The following AFF3 variants were observed in gnomAD, a reference collection of about 807,000 sequenced individuals.
The protein encoded by AFF3 is ALF transcription elongation factor 3, also known as AF4/FMR2 family member 3.
AFF3 carries 32 observed loss-of-function variants against 129.7 expected under a neutral mutation model. The ratio of observed to expected loss-of-function variants is 0.25; its 90% CI spans 0.19 to 0.33. AFF3 has a LOEUF of 0.33. Among genes scored for constraint, AFF3 ranks in the 10% least tolerant of loss-of-function variants. The pLI, the probability that AFF3 is intolerant of heterozygous loss-of-function variation, is 1.00. For synonymous variants in AFF3, 644 were observed against 635.4 expected (o/e 1.01, Z -0.20); for missense variants, 1,373 against 1,592.0 (o/e 0.86, Z 2.34).
At chr2:99,901,124 T>C (rs1694317031) in intron 7 of AFF3, among the ~76,000 whole-genome samples, 1 of 152,234 alleles carries the variant, frequency 6.6e-6, no homozygotes, top group Admixed American at 6.5e-5. Flanking sequence ...GCAAAAAGTC[T>C]CTCTGATGTC....
At position 99,643,055 on chromosome 2, in the gene AFF3, ATTTTTT is replaced by A. The variant is rs34572652; in HGVS notation, c.1184+6565_1184+6570del. 1.3e-3 allele frequency among the ~76,000 whole-genome samples: 127 copies of A among 100,858 alleles called. 2 individuals are homozygous for A. In the Admixed American group the frequency reaches 0.015, roughly 12 times the overall value. 66.2% of individuals were successfully genotyped at this position (100,858 alleles called of 152,430 possible). On this transcript the variant is annotated intron_variant, in intron 13 of 24. Coordinates refer to ENST00000672756, the MANE Select transcript of AFF3 (RefSeq NM_001386135.1). ...TTTATTCATATGGCATACTTAAAAG[ATTTTTT>A]TTTTTTTTTTTTTTTTGAGACAGAG...
chr2:100,140,501 A>G (rs1490879989), intron 1 of AFF3, among the ~76,000 whole-genome samples: 6 of 152,196 alleles, frequency 3.9e-5, no homozygotes, highest in African/African-American at 1.4e-4. Flanking sequence ...GTCAGATCCC[A>G]ACGCTGCTAT....
At chr2:99,959,654 T>C (rs755396707) in intron 7 of AFF3, among the ~76,000 whole-genome samples, 1 of 150,120 alleles carries the variant, frequency 6.7e-6, no homozygotes, top group Non-Finnish European at 1.5e-5. Context: ...ATTGCCGAGT[T>C]GAATGGAAAC....
At chr2:99,770,032 G>C (rs769981582) in intron 8 of AFF3, among the ~76,000 whole-genome samples, 2 of 152,204 alleles carry the variant, frequency 1.3e-5, no homozygotes, top group African/African-American at 4.8e-5. Context: ...CTCTATGATC[G>C]GCAGACGGTG....
chr2:99,720,724 C>T (rs544739515), intron 11 of AFF3, among the ~76,000 whole-genome samples: 6 of 152,178 alleles, frequency 3.9e-5, no homozygotes, highest in South Asian at 2.1e-4. Flanking sequence ...CTTTCTTTCC[C>T]GCCATCTTTT....
At chr2:99,965,558 T>C (rs571241960) in intron 7 of AFF3, among the ~76,000 whole-genome samples, 36 of 152,364 alleles carry the variant, frequency 2.4e-4, no homozygotes, top group South Asian at 1.2e-3. Flanking sequence ...TTTGCTTTTT[T>C]CCTCTAAGCC....
At chr2:99,710,836 T>C (rs1452840620) in intron 11 of AFF3, among the ~76,000 whole-genome samples, 1 of 152,234 alleles carries the variant, frequency 6.6e-6, no homozygotes. Flanking sequence ...TTTGGCAGGA[T>C]CATGTGAGCA....
Position 99,807,118 on chromosome 2 carries a change from C to T in AFF3, c.921+30359G>A, listed in dbSNP as rs1005667052. On this transcript the variant is annotated intron_variant, in intron 8 of 24. Transcript: ENST00000672756. ...ATCCCTTGCATTCATCAACAGATAC[C>T]GAGAGAAAGTTGCTGTTCCCATGTT... 4.6e-5 allele frequency among the ~76,000 whole-genome samples: 7 copies of T among 152,266 alleles called. No homozygotes were observed. In the East Asian group the frequency reaches 9.7e-4, roughly 21 times the overall value.
chr2:100,090,575 A>G (rs1230770341), intron 4 of AFF3, among the ~76,000 whole-genome samples: 2 of 152,190 alleles, frequency 1.3e-5, no homozygotes, highest in Non-Finnish European at 2.9e-5. Flanking sequence ...ACAATATACT[A>G]TTCATTCTGA....
intron 11 of AFF3, among the ~76,000 whole-genome samples, chr2:99,724,267 C>CTTTTTTTTT (rs1553440069): frequency 3.7e-5 from 1 of 27,008 alleles, no homozygotes; most frequent in Non-Finnish European, 6.6e-5. Flanking sequence ...GTGGAATGAC[C>CTTTTTTTTT]TTTCTTTTTT....
intron 7 of AFF3, among the ~76,000 whole-genome samples, chr2:100,005,831 G>A (rs1001225665): frequency 2.0e-5 from 3 of 152,134 alleles, no homozygotes; most frequent in African/African-American, 4.8e-5. Flanking sequence ...CTTTCATTTG[G>A]TTATTAAATC....
chr2:99,554,870 C>A, intron 22 of AFF3, 138 bp from the exon 23 acceptor site: 1 of 905,838 alleles, frequency 1.1e-6, no homozygotes. Flanking sequence ...AGAAACTGGA[C>A]CTGGGAAGTC....
chr2:99,637,626 C>T (rs1683787262), intron 13 of AFF3, among the ~76,000 whole-genome samples: 1 of 152,068 alleles, frequency 6.6e-6, no homozygotes, highest in South Asian at 2.1e-4. Context: ...CCAACACATT[C>T]CATGCAGACA....
chr2:100,105,549 C>CCG lies in AFF3; in HGVS notation c.-112_-111dup. 7.5e-7 allele frequency: 1 copy of CCG among 1,331,992 alleles called. No homozygotes were observed. The highest frequency in any genetic ancestry group is 1.0e-6 in the Non-Finnish European group (1 of 1,004,970). The allele number at this position is 1,331,992 out of a possible 1,614,324, so 82.5% of individuals were successfully genotyped here. On this transcript the variant is annotated 5_prime_UTR_variant, in exon 3 of 25. Coordinates refer to ENST00000672756, the MANE Select transcript of AFF3 (RefSeq NM_001386135.1). ...CCTCTGGGTGTCGACTTCAAACTTG[C>CCG]CGCCCGTCTCCGGTCTGGAAAGGCA...
At chr2:99,923,030 T>C (rs111756742) in intron 7 of AFF3, among the ~76,000 whole-genome samples, 1 of 152,292 alleles carries the variant, frequency 6.6e-6, no homozygotes, top group African/African-American at 2.4e-5. Context: ...ATGTTTCTGA[T>C]TTTACAAACT....
In AFF3 at chr2:99,554,330, G is replaced by A; in HGVS notation, c.3540C>T (p.Asn1180=). ...GCTCACCTCGGTTTTCCTTGGCCAG[G>A]TTGTCGGCCATCTCCCAGTAGTCGT... ...HSYDYWEMAD[N]LAKENREFFN... Residue 1180 remains asparagine, a synonymous_variant, in exon 24 of 25, where the codon AAC becomes AAT. Transcript: ENST00000672756. The A allele has an allele frequency of 6.2e-7, 1 of 1,614,238 alleles. No individual in the cohort carries two copies. The highest frequency in any genetic ancestry group is 8.5e-7 in the Non-Finnish European group (1 of 1,180,044).
chr2:99,637,133 C>G (rs940575342), intron 13 of AFF3, among the ~76,000 whole-genome samples: 56 of 152,164 alleles, frequency 3.7e-4, no homozygotes, highest in Admixed American at 3.1e-3. Context: ...CCAGAGAGAA[C>G]AGACTCCATG....
At chr2:99,933,490 C>T (rs567275358) in intron 7 of AFF3, among the ~76,000 whole-genome samples, 10 of 152,000 alleles carry the variant, frequency 6.6e-5, no homozygotes, top group East Asian at 1.9e-4. Flanking sequence ...CCTCACCTTG[C>T]CCCCCACCCC....
chr2:99,894,488 A>G (rs1169299423), intron 7 of AFF3, among the ~76,000 whole-genome samples: 1 of 145,544 alleles, frequency 6.9e-6, no homozygotes, highest in Non-Finnish European at 1.5e-5. Context: ...TTTTTTTTTG[A>G]GACGGAGTCT....
Sources: allele counts gnomAD v4.1 joint callset (sites outside exome capture counted in the v4.1 genomes callset), GRCh38; gene constraint gnomAD v4.1.1; transcripts MANE v1.5; gene names NCBI Gene and HGNC (gene_info 2026-07-23, HGNC 2026-07-21).